The following ANKRD18A variants were observed in gnomAD, a reference collection of about 807,000 sequenced individuals.
The protein encoded by ANKRD18A is ankyrin repeat domain-containing protein 18A.
Under a neutral mutation model 110.6 loss-of-function variants are expected in ANKRD18A, and 72 were observed. The ratio of observed to expected loss-of-function variants is 0.65; its 90% CI spans 0.54 to 0.79. ANKRD18A has a LOEUF of 0.79. ANKRD18A is among the 30% of genes least tolerant of loss of function. ANKRD18A has a pLI of 0.00. For synonymous variants in ANKRD18A, 305 were observed against 410.3 expected, an observed-to-expected ratio of 0.74 and a Z score of 3.10; for missense variants, 934 against 1,163.3, an observed-to-expected ratio of 0.80 and a Z score of 2.87.
rs778889009 is a variant in ANKRD18A, at chr9:38,571,584, A to C, written c.*461T>G. 6.9e-6 allele frequency: 7 copies of C among 1,012,064 alleles called. No individual in the cohort carries two copies. The highest frequency in any genetic ancestry group is 8.3e-6 in the Non-Finnish European group (7 of 847,352). The allele number at this position is 1,012,064 out of a possible 1,614,324, so 62.7% of individuals were successfully genotyped here. ...ACAAGAAGAAAACCGTAACACTAGT[A>C]TGGACAAACCTGGCAGATACTCTTT... On this transcript the variant is annotated 3_prime_UTR_variant, in exon 16 of 16. Transcript: ENST00000399703.
intron 1 of ANKRD18A, among the ~76,000 whole-genome samples, chr9:38,619,585 C>T (rs958732234): frequency 4.6e-5 from 7 of 152,134 alleles, no homozygotes; most frequent in African/African-American, 1.7e-4. Context: ...ACCTTGATAT[C>T]TTCATTCAGT....
At chr9:38,602,746 C>T (rs1036987224) in intron 7 of ANKRD18A, among the ~76,000 whole-genome samples, 8 of 152,218 alleles carry the variant, frequency 5.3e-5, no homozygotes, top group African/African-American at 1.7e-4. Context: ...TCACAGCTAA[C>T]TGCAGGCTCA....
chr9:38,620,558 C>A lies in ANKRD18A; in HGVS notation c.-273G>T. 1 of 1,201,972 alleles carries A rather than the reference C, an allele frequency of 8.3e-7. No homozygotes were observed. The highest frequency in any genetic ancestry group is 1.1e-6 in the Non-Finnish European group (1 of 937,014). The allele number at this position is 1,201,972 out of a possible 1,614,324, so 74.5% of individuals were successfully genotyped here. A position where few individuals can be genotyped will look rare whatever the true frequency, so the allele number is the denominator to read the frequency against. On this transcript the variant is annotated 5_prime_UTR_variant, in exon 1 of 16. Transcript: ENST00000399703. ...GTGAGCCCAGCTAAGCCGTTAGGCG[C>A]GCGCCTGAACCTCAGCGCTCCGAAC...
Position 38,620,128 on chromosome 9 carries a change from C to A in ANKRD18A, c.158G>T (p.Cys53Phe). ...CAAGTCCCGGAACCTGCGCGTCAGG[C>A]AGCGCTCCACCTCCGCGGCGTCGCC... ...IKGDAAEVER[C>F]LTRRFRDLDA... is the part of the protein sequence containing the mutation. The change falls in exon 1 of 16, where the codon TGC becomes TTC. Residue 53 changes from cysteine (C) to phenylalanine (F), a missense_variant. Around this residue, in one of 4 missense-constraint regions of ANKRD18A, gnomAD observed 630 missense variants for 797.5 expected, o/e 0.79. Transcript: ENST00000399703. 6.4e-7 allele frequency: 1 copy of A among 1,568,522 alleles called. No homozygotes were observed. Among genetic ancestry groups the A allele is most frequent in the Non-Finnish European group, 8.6e-7 (1 of 1,156,730 alleles).
intron 10 of ANKRD18A, among the ~76,000 whole-genome samples, chr9:38,592,332 T>A (rs1460608097): frequency 6.6e-6 from 1 of 152,240 alleles, no homozygotes; most frequent in Non-Finnish European, 1.5e-5. Flanking sequence ...AAATTTATGT[T>A]AAGACAAAAT....
At chr9:38,586,967 C>T (rs781009428) in intron 11 of ANKRD18A, among the ~76,000 whole-genome samples, 2 of 151,174 alleles carry the variant, frequency 1.3e-5, no homozygotes, top group Non-Finnish European at 3.0e-5. Flanking sequence ...GATGAGTAAC[C>T]AAGATTTTTA....
At chr9:38,566,291 C>T in the ANKRD18A span, 1 of 152,218 alleles carries the variant, frequency 6.6e-6, no homozygotes, top group Non-Finnish European at 1.5e-5. Context: ...AGGCTGCAGC[C>T]TCTTTTGCCT....
Position 38,620,043 on chromosome 9 carries a change from C to T in ANKRD18A, c.206+37G>A, listed in dbSNP as rs1470209318. 1.9e-5 allele frequency: 29 copies of T among 1,546,006 alleles called. No individual in the cohort carries two copies. In the Admixed American group the frequency reaches 5.5e-4, roughly 29 times the overall value. On this transcript the variant is annotated intron_variant, in intron 1 of 15. Transcript: ENST00000399703. The stretch of plus-strand genomic sequence containing the variant: ...CCGGGCTGCAGGGAAGCCGGGCCTG[C>T]GGCCCCCTCCCACCGCGGGCTGAGT...
chr9:38,570,765 G>C (rs1319635482), downstream of ANKRD18A, among the ~76,000 whole-genome samples: 2 of 152,202 alleles, frequency 1.3e-5, no homozygotes, highest in Admixed American at 6.5e-5. Context: ...GGGCTGCAAG[G>C]CCTCTCCTCC....
chr9:38,589,504 T>C (rs1257678703), intron 10 of ANKRD18A, among the ~76,000 whole-genome samples: 3 of 152,250 alleles, frequency 2.0e-5, no homozygotes, highest in African/African-American at 4.8e-5. Context: ...CCACTGTAAC[T>C]GTAAGCCTGC....
intron 8 of ANKRD18A, among the ~76,000 whole-genome samples, chr9:38,596,782 C>A (rs1824900821): frequency 6.6e-6 from 1 of 152,052 alleles, no homozygotes; most frequent in African/African-American, 2.4e-5. Flanking sequence ...ACCCAGACAC[C>A]ACCCTATAGT....
intron 11 of ANKRD18A, among the ~76,000 whole-genome samples, chr9:38,586,580 T>TTGAGA (rs1003350455): frequency 6.6e-6 from 1 of 152,206 alleles, no homozygotes; most frequent in African/African-American, 2.4e-5. Flanking sequence ...TTTTTGTTTT[T>TTGAGA]TGAGATGGAA....
chr9:38,595,742 C>T lies in ANKRD18A; in HGVS notation c.1598G>A (p.Ser533Asn), dbSNP rs1317857836. The T allele has an allele frequency of 3.2e-6, 5 of 1,551,278 alleles. No individual in the cohort carries two copies. The highest frequency in any genetic ancestry group is 4.4e-6 in the Non-Finnish European group (5 of 1,146,688). ...QMHPNGEAKE[S>N]QSIGKQNSLE... ...AGAGTTCTGCTTTCCAATGGATTGACTTTCTTTAGCTTCTCCATTTGGATG... is the reference window on the plus strand; with the variant it reads ...AGAGTTCTGCTTTCCAATGGATTGATTTTCTTTAGCTTCTCCATTTGGATG... The change falls in exon 9 of 16, where the codon AGT becomes AAT. Residue 533 changes from serine (S) to asparagine (N), a missense_variant. Ser to Asn is a conservative substitution (Grantham distance 46, BLOSUM62 1). Around this residue, in one of 4 missense-constraint regions of ANKRD18A, gnomAD observed 630 missense variants for 797.5 expected, o/e 0.79. Transcript: ENST00000399703.
intron 10 of ANKRD18A, among the ~76,000 whole-genome samples, chr9:38,591,455 A>C (rs1396628608): frequency 2.0e-5 from 3 of 152,224 alleles, no homozygotes; most frequent in Non-Finnish European, 2.9e-5. Context: ...GGGAAGATTA[A>C]ACCAGGGACT....
At chr9:38,608,426 A>G (rs1306565502) in intron 5 of ANKRD18A, among the ~76,000 whole-genome samples, 4 of 151,770 alleles carry the variant, frequency 2.6e-5, no homozygotes, top group East Asian at 3.9e-4. Flanking sequence ...CTAACAACAT[A>G]TTTGCATGTA....
rs539621749 is a variant in ANKRD18A at position 38,583,166 on chromosome 9, T to C, written c.2247+3017A>G. On this transcript the variant is annotated intron_variant, in intron 12 of 15. Coordinates refer to ENST00000399703, the MANE Select transcript of ANKRD18A (RefSeq NM_147195.4). Reference sequence around the variant, plus strand: ...TCTTTGTTCAATAAAAAAGAGAAAATAAGTGTTAGGAAAAATGTAAAGAAA... The same window carrying C: ...TCTTTGTTCAATAAAAAAGAGAAAACAAGTGTTAGGAAAAATGTAAAGAAA... 2.0e-4 allele frequency among the ~76,000 whole-genome samples: 31 copies of C among 152,008 alleles called. 1 individual carries two copies. The South Asian group carries it at 6.2e-3, about 31-fold the overall frequency.
intron 8 of ANKRD18A, among the ~76,000 whole-genome samples, chr9:38,596,865 A>G (rs1235572604): frequency 2.6e-5 from 4 of 152,166 alleles, no homozygotes; most frequent in African/African-American, 9.6e-5. Context: ...TTCCCTGATC[A>G]TATTCTATTG....
In ANKRD18A at chr9:38,577,924, C is replaced by T. The variant is rs754103301; in HGVS notation, c.2472G>A (p.Ser824=). ...VELGKLQEYK[S]ELDERAVQEI... is the part of the protein sequence containing the mutation. ...CCTGCACTGCCCTTTCATCCAGCTCCGATTTATATTCTTGTAGTTTACCAA... is the reference window on the plus strand; with the variant it reads ...CCTGCACTGCCCTTTCATCCAGCTCTGATTTATATTCTTGTAGTTTACCAA... Residue 824 remains serine (S), a synonymous_variant, in exon 13 of 16, where the codon TCG becomes TCA. Transcript: ENST00000399703. The T allele has an allele frequency of 1.5e-5, 24 of 1,596,688 alleles. No homozygotes were observed. Among genetic ancestry groups the T allele is most frequent in the East Asian group, 6.8e-5 (3 of 44,150 alleles).
chr9:38,597,645 A>C (rs397832822), intron 8 of ANKRD18A, among the ~76,000 whole-genome samples: 4 of 152,190 alleles, frequency 2.6e-5, no homozygotes, highest in Non-Finnish European at 5.9e-5. Flanking sequence ...TAAATACATC[A>C]AATTTGTCAA....
Sources: allele counts gnomAD v4.1 joint callset (sites outside exome capture counted in the v4.1 genomes callset), GRCh38; gene constraint gnomAD v4.1.1; regional missense constraint gnomAD v4.1.1; transcripts MANE v1.5; gene names NCBI Gene and HGNC (gene_info 2026-07-23, HGNC 2026-07-21).